The following PTPA variants were observed in gnomAD, a reference collection of about 807,000 sequenced individuals.
The protein encoded by PTPA is serine/threonine-protein phosphatase 2A activator.
A neutral mutation model predicts 43.6 loss-of-function variants in PTPA; 13 were observed. The observed-to-expected ratio is 0.30, with a 90% confidence interval of 0.19 to 0.47. The LOEUF (loss-of-function observed/expected upper bound fraction) is 0.47, where lower values mean the gene tolerates loss of function less well. PTPA is among the 20% of genes least tolerant of loss of function. PTPA has a pLI of 0.99. For synonymous variants in PTPA, 172 were observed against 158.2 expected, an observed-to-expected ratio of 1.09 and a Z score of -0.66; for missense variants, 329 against 411.9, an observed-to-expected ratio of 0.80 and a Z score of 1.74.
intron 1 of PTPA, among the ~76,000 whole-genome samples, chr9:129,115,357 T>G (rs1451980305): frequency 6.6e-6 from 1 of 152,188 alleles, no homozygotes; most frequent in Non-Finnish European, 1.5e-5. Context: ...TTCTGGGGCC[T>G]TGGTTTGAGT....
intron 8 of PTPA, among the ~76,000 whole-genome samples, chr9:129,140,661 G>A (rs2131614975): frequency 6.6e-6 from 1 of 152,330 alleles, no homozygotes; most frequent in Admixed American, 6.5e-5. Flanking sequence ...AAGCCGACAG[G>A]GTGCCTCCTG....
chr9:129,147,396 A>G lies in PTPA; in HGVS notation c.904A>G (p.Lys302Glu). Residue 302 changes from lysine (K) to glutamate (E), a missense_variant, in exon 10 of 10, where the codon AAG (lysine) becomes GAG (glutamate). Physicochemically the swap from Lys to Glu is moderately conservative, Grantham distance 56. Coordinates refer to ENST00000393370, the MANE Select transcript of PTPA (RefSeq NM_178000.3). Reference sequence around the variant, plus strand: ...TGCTCCTTCCTCACAGTGCCTGGAGAAGTTCCCTGTGATCCAGCACTTCAA... The same window carrying G: ...TGCTCCTTCCTCACAGTGCCTGGAGGAGTTCCCTGTGATCCAGCACTTCAA... Reference protein sequence around the residue: ...IRMYKAECLEKFPVIQHFKFG... With the variant: ...IRMYKAECLEEFPVIQHFKFG... 1.2e-6 allele frequency: 2 copies of G among 1,613,740 alleles called. No homozygotes were observed. The highest frequency in any genetic ancestry group is 1.7e-6 in the Non-Finnish European group (2 of 1,179,866).
intron 8 of PTPA, 130 bp from the exon 9 acceptor site, chr9:129,142,315 G>A (rs1195864613): frequency 3.7e-6 from 3 of 807,236 alleles, no homozygotes; most frequent in Non-Finnish European, 5.7e-6. Flanking sequence ...AAGTGTCTGC[G>A]CGTGCATTGT....
chr9:129,111,042 T>C (rs764786637), upstream of PTPA: 6 of 1,369,188 alleles, frequency 4.4e-6, no homozygotes, highest in Admixed American at 9.5e-5. Flanking sequence ...GGTAGTGGTG[T>C]GCACCTTTCC....
At chr9:129,130,230 C>T (rs1849867227) in intron 4 of PTPA, among the ~76,000 whole-genome samples, 1 of 152,162 alleles carries the variant, frequency 6.6e-6, no homozygotes, top group Non-Finnish European at 1.5e-5. Flanking sequence ...TGGATTTTTA[C>T]TAGCTTTCCA....
intron 8 of PTPA, chr9:129,141,585 C>T (rs371706159): frequency 3.9e-5 from 6 of 152,338 alleles, no homozygotes; most frequent in African/African-American, 1.4e-4. Context: ...ACACAGGCGT[C>T]CCTCTGTGGT....
intron 6 of PTPA, 34 bp downstream of exon 6, chr9:129,134,928 G>A: frequency 6.4e-7 from 1 of 1,564,574 alleles, no homozygotes; most frequent in Non-Finnish European, 8.8e-7. Context: ...GGAGGAGGGG[G>A]CGTGAGGGGC....
intron 8 of PTPA, 38 bp from the exon 9 acceptor site, chr9:129,142,407 A>G (rs1564202510): frequency 6.5e-7 from 1 of 1,537,100 alleles, no homozygotes; most frequent in Non-Finnish European, 8.8e-7. Flanking sequence ...GCTCCCAGCC[A>G]GAACCTGTCT....
chr9:129,142,869 G>A, intron 9 of PTPA: 2 of 1,517,864 alleles, frequency 1.3e-6, no homozygotes, highest in Non-Finnish European at 1.8e-6. Flanking sequence ...TTATCAAGTG[G>A]CCAAAGGCTC....
chr9:129,144,667 C>T (rs376722237), intron 9 of PTPA, among the ~76,000 whole-genome samples: 1 of 143,836 alleles, frequency 7.0e-6, no homozygotes. Context: ...TGAGTCCGGG[C>T]GGTGGAGCTT....
intron 5 of PTPA, among the ~76,000 whole-genome samples, chr9:129,133,830 C>G (rs1850155455): frequency 6.6e-6 from 1 of 152,210 alleles, no homozygotes; most frequent in African/African-American, 2.4e-5. Context: ...ATACTGGCCT[C>G]CTTAGTGTTC....
intron 9 of PTPA, among the ~76,000 whole-genome samples, chr9:129,145,004 G>T (rs986211553): frequency 1.3e-5 from 2 of 152,132 alleles, no homozygotes; most frequent in Non-Finnish European, 2.9e-5. Context: ...CTGCACTCCA[G>T]CCTGGGCAAC....
intron 3 of PTPA, among the ~76,000 whole-genome samples, 195 bp from the exon 4 acceptor site, chr9:129,128,790 C>T (rs1246278680): frequency 6.6e-6 from 1 of 152,178 alleles, no homozygotes; most frequent in African/African-American, 2.4e-5. Context: ...TAGTGTGCTT[C>T]CCTCTCTGGA....
chr9:129,132,071 C>A (rs546937110), intron 5 of PTPA, among the ~76,000 whole-genome samples: 1 of 152,170 alleles, frequency 6.6e-6, no homozygotes, highest in Non-Finnish European at 1.5e-5. Context: ...AACCCCTTGT[C>A]TCTTAGCCAC....
chr9:129,137,842 T>C, intron 8 of PTPA, 150 bp downstream of exon 8: 1 of 738,708 alleles, frequency 1.4e-6, no homozygotes, highest in Non-Finnish European at 2.4e-6. Flanking sequence ...GAAGCACCAC[T>C]GGGCCTCTTC....
At chr9:129,140,802 G>C (rs1467940032) in intron 8 of PTPA, among the ~76,000 whole-genome samples, 2 of 151,396 alleles carry the variant, frequency 1.3e-5, no homozygotes, top group Non-Finnish European at 2.9e-5. Context: ...GGGGTAGGGT[G>C]GGGAGGTGGG....
intron 4 of PTPA, 110 bp from the exon 5 acceptor site, chr9:129,131,412 C>A: frequency 1.1e-6 from 1 of 881,692 alleles, no homozygotes. Context: ...AGGAACCAAG[C>A]TGGCCTGGCA....
At chr9:129,112,487 G>T (rs1848594978) in intron 1 of PTPA, among the ~76,000 whole-genome samples, 1 of 152,210 alleles carries the variant, frequency 6.6e-6, no homozygotes, top group Non-Finnish European at 1.5e-5. Context: ...CAATGTTGGG[G>T]TCCCTGGGAA....
At chr9:129,142,358 A>T in intron 8 of PTPA, 87 bp from the exon 9 acceptor site, 1 of 1,023,130 alleles carries the variant, frequency 9.8e-7, no homozygotes. Flanking sequence ...GTGTGTGTGC[A>T]TGCATGGGTG....
Sources: gnomAD v4.1 joint callset for allele counts (sites outside exome capture counted in the v4.1 genomes callset) on GRCh38, gnomAD v4.1.1 for gene constraint, MANE v1.5 for transcripts, NCBI Gene and HGNC (gene_info 2026-07-23, HGNC 2026-07-21) for gene names.